Variants in SCML4 observed in about 807,000 individuals in gnomAD.
The protein encoded by SCML4 is Scm polycomb group protein like 4.
SCML4 carries 34 observed loss-of-function variants against 41.1 expected under a neutral mutation model. The observed-to-expected ratio is 0.83, with a 90% CI of 0.63 to 1.10. The LOEUF (loss-of-function observed/expected upper bound fraction) is 1.10. Ranked by LOEUF, SCML4 falls within the 50% of genes least tolerant of loss-of-function variation. The pLI is 0.00. For synonymous variants in SCML4, 214 were observed against 220.9 expected (o/e 0.97, Z 0.28); for missense variants, 522 against 534.1 (o/e 0.98, Z 0.22).
chr6:107,797,075 T>C (rs1782767228), intron 1 of SCML4, among the ~76,000 whole-genome samples: 1 of 152,152 alleles, frequency 6.6e-6, no homozygotes, highest in Non-Finnish European at 1.5e-5. Context: ...ACTATAACTT[T>C]ATAGTAAGTC....
At chr6:107,783,945 C>T (rs1781689938) in intron 1 of SCML4, among the ~76,000 whole-genome samples, 2 of 152,184 alleles carry the variant, frequency 1.3e-5, no homozygotes, top group Non-Finnish European at 2.9e-5. Flanking sequence ...CGACCTGGTC[C>T]TCGTTTCTGT....
At chr6:107,798,523 A>G (rs1321951541) in intron 1 of SCML4, among the ~76,000 whole-genome samples, 1 of 151,688 alleles carries the variant, frequency 6.6e-6, no homozygotes, top group African/African-American at 2.4e-5. Context: ...GGGGTTATCA[A>G]TCTTATTTAT....
intron 2 of SCML4, among the ~76,000 whole-genome samples, chr6:107,763,109 T>C (rs1291840414): frequency 1.3e-5 from 2 of 152,008 alleles, no homozygotes; most frequent in Non-Finnish European, 2.9e-5. Context: ...TCTCGAACTC[T>C]TAGGCTCAGG....
Position 107,704,811 on chromosome 6 carries a change from G to T in SCML4, c.*389C>A, listed in dbSNP as rs1334175262. On this transcript the variant is annotated 3_prime_UTR_variant, in exon 8 of 8. Transcript: ENST00000369020. ...AGTTAGAGGCAGATGGTGCTGAGGG[G>T]GTTGTCCCTGCAGAGACCGCAGGGA... The T allele has an allele frequency of 2.3e-5, 6 of 255,710 alleles. No individual in the cohort carries two copies. The South Asian group carries it at 2.6e-4, about 11-fold the overall frequency. The allele number at this position is 255,710 out of a possible 1,614,324, so 15.8% of individuals were successfully genotyped here.
rs548012162 is a variant in SCML4, at chr6:107,803,702, C to T, written c.-60+20424G>A. ...GGGAGACTTTTCATTTTGTTCTGTACTAAGAAAAATTCTTCTGCCTTGGGA... is the reference window on the plus strand; with the variant it reads ...GGGAGACTTTTCATTTTGTTCTGTATTAAGAAAAATTCTTCTGCCTTGGGA... On this transcript the variant is annotated intron_variant, in intron 1 of 7. Transcript: ENST00000369020. Among the ~76,000 whole-genome samples, 19 of 148,994 alleles carry T rather than the reference C, an allele frequency of 1.3e-4. No individual in the cohort carries two copies. The East Asian group carries it at 3.7e-3, about 29-fold the overall frequency.
intron 1 of SCML4, among the ~76,000 whole-genome samples, chr6:107,797,893 T>C (rs527716805): frequency 6.6e-6 from 1 of 152,158 alleles, no homozygotes; most frequent in African/African-American, 2.4e-5. Flanking sequence ...ATATAATTTC[T>C]ATCATTTATT....
At chr6:107,807,200 T>C (rs1270079503) in intron 1 of SCML4, among the ~76,000 whole-genome samples, 4 of 152,162 alleles carry the variant, frequency 2.6e-5, no homozygotes, top group Non-Finnish European at 5.9e-5. Flanking sequence ...AAAGACCCTT[T>C]TACAAAATGC....
intron 2 of SCML4, among the ~76,000 whole-genome samples, chr6:107,767,991 T>G (rs1054253738): frequency 1.3e-4 from 19 of 150,462 alleles, no homozygotes; most frequent in African/African-American, 4.7e-4. Flanking sequence ...CTGGGCCCGG[T>G]GGCTCATGCC....
chr6:107,761,725 C>CCG (rs1419252219), intron 2 of SCML4, among the ~76,000 whole-genome samples: 25 of 152,064 alleles, frequency 1.6e-4, no homozygotes, highest in Non-Finnish European at 2.6e-4. Context: ...GCATGAGCCA[C>CCG]TATACCCGGC....
intron 1 of SCML4, among the ~76,000 whole-genome samples, chr6:107,782,652 G>GT (rs1327192844): frequency 1.3e-5 from 2 of 152,272 alleles, no homozygotes; most frequent in African/African-American, 4.8e-5. Context: ...GCTGGTCTGA[G>GT]TTTGCCTGAT....
At chr6:107,751,421 G>T (rs1030595539) in intron 2 of SCML4, among the ~76,000 whole-genome samples, 8 of 152,130 alleles carry the variant, frequency 5.3e-5, no homozygotes, top group Non-Finnish European at 1.2e-4. Flanking sequence ...TGCCTGGAGG[G>T]TTTGTGCAAC....
At chr6:107,753,952 C>T (rs929168010) in intron 2 of SCML4, among the ~76,000 whole-genome samples, 11 of 152,142 alleles carry the variant, frequency 7.2e-5, no homozygotes, top group Admixed American at 2.6e-4. Context: ...TGCAGAAGGT[C>T]TCTTCCCATG....
intron 2 of SCML4, among the ~76,000 whole-genome samples, chr6:107,770,580 AG>A (rs775106228): frequency 6.6e-5 from 10 of 152,322 alleles, no homozygotes; most frequent in South Asian, 2.1e-4. Flanking sequence ...AAATGGGAAA[AG>A]ACTGCCTGCT....
At chr6:107,730,703 T>C (rs1434813450) in intron 5 of SCML4, among the ~76,000 whole-genome samples, 1 of 152,186 alleles carries the variant, frequency 6.6e-6, no homozygotes, top group African/African-American at 2.4e-5. Flanking sequence ...CCTGGGAGCT[T>C]TCAGGACAGA....
intron 5 of SCML4, 109 bp from the exon 6 acceptor site, chr6:107,721,102 G>C (rs1562180049): frequency 6.7e-6 from 9 of 1,352,592 alleles, no homozygotes; most frequent in Non-Finnish European, 6.9e-6. Context: ...GCCAGTATTT[G>C]TGAGCATGCA....
chr6:107,821,432 A>G (rs2114312944), intron 1 of SCML4, among the ~76,000 whole-genome samples: 1 of 152,388 alleles, frequency 6.6e-6, no homozygotes, highest in South Asian at 2.1e-4. Context: ...GAAACATCAG[A>G]TGTGCCCACC....
At position 107,760,595 on chromosome 6, in the gene SCML4, A is replaced by G. The variant is rs553624184; in HGVS notation, c.157-10782T>C. Among the ~76,000 whole-genome samples, 192 of 152,346 alleles carry G rather than the reference A, an allele frequency of 1.3e-3. 2 individuals are homozygous for G. The highest frequency in any genetic ancestry group is 3.4e-3 in the Middle Eastern group (1 of 294). On this transcript the variant is annotated intron_variant, in intron 2 of 7. Coordinates refer to ENST00000369020, the MANE Select transcript of SCML4 (RefSeq NM_198081.5). ...TAATTAAAAAATTACTCAATATGAC[A>G]GTGTCTCAGGTGACTGGAAAGGCAA...
intron 1 of SCML4, among the ~76,000 whole-genome samples, chr6:107,801,283 G>A (rs1783100609): frequency 6.6e-6 from 1 of 152,108 alleles, no homozygotes; most frequent in South Asian, 2.1e-4. Flanking sequence ...TCTCCAGACA[G>A]CACTATCTTT....
chr6:107,843,735 T>A, the SCML4 span, among the ~76,000 whole-genome samples: 1 of 152,100 alleles, frequency 6.6e-6, no homozygotes, highest in African/African-American at 2.4e-5. Context: ...AGATTGAACA[T>A]GTTTCCAGGC....
Sources: allele counts gnomAD v4.1 joint callset (sites outside exome capture counted in the v4.1 genomes callset), GRCh38; gene constraint gnomAD v4.1.1; transcripts MANE v1.5; gene names NCBI Gene and HGNC (gene_info 2026-07-23, HGNC 2026-07-21).